The following LMCD1 variants were observed in gnomAD, a reference collection of about 807,000 sequenced individuals.
LMCD1 encodes LIM and cysteine rich domains 1, also known as LIM and cysteine-rich domains protein 1.
LMCD1 carries 32 observed loss-of-function variants against 42.7 expected under a neutral mutation model. The observed-to-expected ratio is 0.75, with a 90% CI of 0.57 to 1.01. The LOEUF (loss-of-function observed/expected upper bound fraction) is 1.01, where lower values mean the gene tolerates loss of function less well. Ranked by LOEUF, LMCD1 falls within the 50% of genes least tolerant of loss-of-function variation. LMCD1 has a pLI of 0.00. For missense variants in LMCD1, 458 were observed against 483.1 expected (o/e 0.95, Z 0.49); for synonymous variants, 178 against 184.9 (o/e 0.96, Z 0.30).
chr3:8,522,447 C>T (rs1343772600), intron 1 of LMCD1, among the ~76,000 whole-genome samples: 1 of 152,148 alleles, frequency 6.6e-6, no homozygotes, highest in East Asian at 1.9e-4. Flanking sequence ...GGGGTGTGTT[C>T]CTCAAGGAGC....
In LMCD1 at chr3:8,565,647, G is replaced by C. The variant is rs763656269; in HGVS notation, c.939G>C (p.Glu313Asp). Residue 313 changes from glutamate to aspartate, a missense_variant and splice_region_variant, in exon 5 of 6, where the codon GAG becomes GAC. Physicochemically the swap from Glu to Asp is conservative, Grantham distance 45. Transcript: ENST00000157600. ...SLRPRCSGCD[E>D]IIFAEDYQRV... is the part of the protein sequence containing the mutation. Reference sequence around the variant, plus strand: ...GGCCCCGGTGCTCCGGCTGCGATGAGGTGGGAGATAGCCGCGAGATGGGTT... The same window carrying C: ...GGCCCCGGTGCTCCGGCTGCGATGACGTGGGAGATAGCCGCGAGATGGGTT... The C allele has an allele frequency of 1.3e-6, 2 of 1,592,396 alleles. No individual in the cohort carries two copies. Among genetic ancestry groups the C allele is most frequent in the African/African-American group, 1.3e-5 (1 of 74,576 alleles).
intron 3 of LMCD1, among the ~76,000 whole-genome samples, chr3:8,543,859 A>C (rs533772924): frequency 1.3e-5 from 2 of 152,328 alleles, no homozygotes; most frequent in South Asian, 2.1e-4. Flanking sequence ...AGTGATTCTT[A>C]TGCACCCTAA....
rs2125042130 is a variant in LMCD1 at position 8,567,499 on chromosome 3, T to C, written c.999T>C (p.Phe333=). The C allele has an allele frequency of 6.2e-7, 1 of 1,613,996 alleles. No individual in the cohort carries two copies. Among genetic ancestry groups the C allele is most frequent in the East Asian group, 2.2e-5 (1 of 44,854 alleles). ...VEDLAWHRKH[F]VCEGCEQLLS... ...ATCTGGCCTGGCACCGAAAGCACTT[T>C]GTCTGTGAGGGTTGTGAGCAGCTGC... The change falls in exon 6 of 6, where the codon TTT becomes TTC. Residue 333 remains phenylalanine (F), a synonymous_variant. Coordinates refer to ENST00000157600, the MANE Select transcript of LMCD1 (RefSeq NM_014583.4).
At chr3:8,542,445 A>G (rs1351983666) in intron 3 of LMCD1, among the ~76,000 whole-genome samples, 2 of 152,160 alleles carry the variant, frequency 1.3e-5, no homozygotes, top group Non-Finnish European at 2.9e-5. Flanking sequence ...GGACACCGTG[A>G]ACGCAGGGGT....
At chr3:8,517,489 A>G (rs1694121600) in intron 1 of LMCD1, among the ~76,000 whole-genome samples, 1 of 152,208 alleles carries the variant, frequency 6.6e-6, no homozygotes, top group Non-Finnish European at 1.5e-5. Context: ...TATATCTAAC[A>G]TGTTTTCAGT....
At chr3:8,547,488 GT>G (rs1694758688) in intron 3 of LMCD1, among the ~76,000 whole-genome samples, 2 of 152,210 alleles carry the variant, frequency 1.3e-5, no homozygotes, top group South Asian at 4.1e-4. Flanking sequence ...TAAGGTGTAA[GT>G]TTTTAAAATC....
intron 1 of LMCD1, among the ~76,000 whole-genome samples, chr3:8,528,407 G>C (rs1237492836): frequency 6.6e-6 from 1 of 152,010 alleles, no homozygotes; most frequent in East Asian, 1.9e-4. Context: ...TGTTGCACAG[G>C]CTGGTCTTGA....
chr3:8,522,712 T>A (rs1401232215), intron 1 of LMCD1, among the ~76,000 whole-genome samples: 3 of 152,180 alleles, frequency 2.0e-5, no homozygotes, highest in Non-Finnish European at 4.4e-5. Flanking sequence ...CATGGTATAT[T>A]TGGCCCCAAA....
rs765028115 is a variant in LMCD1, at chr3:8,565,593, G to C, written c.885G>C (p.Trp295Cys). Residue 295 changes from tryptophan to cysteine, a missense_variant, in exon 5 of 6, where the codon TGG becomes TGC. Trp to Cys is a radical substitution (Grantham distance 215). Coordinates refer to ENST00000157600, the MANE Select transcript of LMCD1 (RefSeq NM_014583.4). ...LIYFWKDGAP[W>C]CGRHYCESLR... is the part of the protein sequence containing the mutation. Reference sequence around the variant, plus strand: ...ACTTCTGGAAGGATGGTGCACCCTGGTGCGGCCGCCATTACTGCGAGAGTC... The same window carrying C: ...ACTTCTGGAAGGATGGTGCACCCTGCTGCGGCCGCCATTACTGCGAGAGTC... The C allele has an allele frequency of 9.3e-6, 15 of 1,608,718 alleles. No homozygotes were observed. In the Admixed American group the frequency reaches 1.5e-4, roughly 16 times the overall value.
chr3:8,534,292 T>C (rs1694471439), intron 2 of LMCD1, among the ~76,000 whole-genome samples: 1 of 151,994 alleles, frequency 6.6e-6, no homozygotes, highest in African/African-American at 2.4e-5. Flanking sequence ...AAAATGATCA[T>C]TTGGTATATT....
chr3:8,554,896 T>C (rs140041953), intron 4 of LMCD1, among the ~76,000 whole-genome samples: 3 of 152,266 alleles, frequency 2.0e-5, no homozygotes, highest in Admixed American at 6.5e-5. Flanking sequence ...AGCCAGAGCA[T>C]AGCCTTTAAT....
chr3:8,537,263 C>T lies in LMCD1; in HGVS notation c.210C>T (p.Gly70=). ...ACCTAGAAGACGATCGGAAAATTGG[C>T]CGCTTGCTGATGGACTCCAAGTATT... is the stretch of plus-strand genomic sequence containing the variant. ...TSDLEDDRKI[G]RLLMDSKYST... The change falls in exon 3 of 6, where the codon GGC becomes GGT. Residue 70 remains glycine (G), a synonymous_variant. Coordinates refer to ENST00000157600, the MANE Select transcript of LMCD1 (RefSeq NM_014583.4). 2 of 1,614,136 alleles carry T rather than the reference C, an allele frequency of 1.2e-6. No individual in the cohort carries two copies. The highest frequency in any genetic ancestry group is 1.7e-6 in the Non-Finnish European group (2 of 1,180,020).
At chr3:8,559,558 A>C (rs1156354189) in intron 4 of LMCD1, among the ~76,000 whole-genome samples, 1 of 152,216 alleles carries the variant, frequency 6.6e-6, no homozygotes, top group Non-Finnish European at 1.5e-5. Context: ...CTCCCCTCTC[A>C]GCCACCTGTT....
At chr3:8,524,925 G>T (rs35156964) in intron 1 of LMCD1, among the ~76,000 whole-genome samples, 65,425 of 151,904 alleles carry the variant, frequency 0.43, 14,939 homozygotes, top group Non-Finnish European at 0.51. Flanking sequence ...GCTCAAGCAA[G>T]TCACCCTCCT....
At chr3:8,533,655 C>T (rs1426345199) in intron 2 of LMCD1, among the ~76,000 whole-genome samples, 2 of 152,150 alleles carry the variant, frequency 1.3e-5, no homozygotes, top group Non-Finnish European at 2.9e-5. Context: ...AAAATAACTA[C>T]GTATGAACTG....
chr3:8,519,925 A>AGTGTGT (rs369271623), intron 1 of LMCD1, among the ~76,000 whole-genome samples: 1 of 147,832 alleles, frequency 6.8e-6, no homozygotes, highest in African/African-American at 2.5e-5. Flanking sequence ...TGTGAGAGAG[A>AGTGTGT]GTGTGTGTGT....
At chr3:8,543,396 A>ATGAT (rs1277560546) in intron 3 of LMCD1, among the ~76,000 whole-genome samples, 1 of 89,176 alleles carries the variant, frequency 1.1e-5, no homozygotes, top group Non-Finnish European at 2.7e-5. Flanking sequence ...AGATAGATAG[A>ATGAT]TGATAGATAG....
intron 1 of LMCD1, among the ~76,000 whole-genome samples, chr3:8,510,607 C>G (rs952502462): frequency 3.3e-5 from 5 of 152,100 alleles, no homozygotes; most frequent in Non-Finnish European, 5.9e-5. Context: ...GCCTTTGATA[C>G]CAATGGAAAG....
intron 1 of LMCD1, among the ~76,000 whole-genome samples, chr3:8,531,145 T>A (rs1694404918): frequency 6.6e-6 from 1 of 152,210 alleles, no homozygotes; most frequent in African/African-American, 2.4e-5. Context: ...TGAGGATGGC[T>A]TCACAAGTTT....
Sources: gnomAD v4.1 joint callset for allele counts (sites outside exome capture counted in the v4.1 genomes callset) on GRCh38, gnomAD v4.1.1 for gene constraint, MANE v1.5 for transcripts, NCBI Gene and HGNC (gene_info 2026-07-23, HGNC 2026-07-21) for gene names.